The following PFKFB3 variants were observed in gnomAD, a reference collection of about 807,000 sequenced individuals.
PFKFB3 encodes 6-phosphofructo-2-kinase/fructose-2,6-biphosphatase 3, also known as 6-phosphofructo-2-kinase/fructose-2,6-bisphosphatase 3.
In PFKFB3, 33 loss-of-function variants were observed where a neutral mutation model predicts 68.0. That is an observed-to-expected ratio of 0.49 (90% CI 0.37 to 0.65). PFKFB3 has a LOEUF of 0.65. Among genes scored for constraint, PFKFB3 ranks in the 30% least tolerant of loss-of-function variants. The pLI is 0.00. For synonymous variants in PFKFB3, 315 were observed against 288.2 expected (o/e 1.09, Z -0.94); for missense variants, 586 against 712.2 (o/e 0.82, Z 2.02).
chr10:6,288,494 A>G, the PFKFB3 span, among the ~76,000 whole-genome samples: 4 of 151,078 alleles, frequency 2.6e-5, no homozygotes, highest in African/African-American at 7.3e-5. Flanking sequence ...GAGAATGATG[A>G]TTTCCAATTT....
chr10:6,196,101 C>T (rs1316429476), intron 1 of PFKFB3, among the ~76,000 whole-genome samples: 1 of 150,822 alleles, frequency 6.6e-6, no homozygotes, highest in East Asian at 1.9e-4. Context: ...ACAGCACGGG[C>T]AGCAGGGTGC....
At chr10:6,195,957 C>A (rs1178561877) in intron 1 of PFKFB3, among the ~76,000 whole-genome samples, 1 of 152,150 alleles carries the variant, frequency 6.6e-6, no homozygotes, top group African/African-American at 2.4e-5. Flanking sequence ...TCTACCCCTC[C>A]CCTTGTTTTC....
chr10:6,165,959 C>T (rs1195759688), intron 1 of PFKFB3, among the ~76,000 whole-genome samples: 2 of 148,764 alleles, frequency 1.3e-5, no homozygotes, highest in Non-Finnish European at 3.0e-5. Flanking sequence ...GGATTACAGG[C>T]GTGGATCACC....
At position 6,179,598 on chromosome 10, in the gene PFKFB3, C is replaced by T. The variant is rs558491506; in HGVS notation, c.17-34025C>T. The stretch of plus-strand genomic sequence containing the variant: ...GCTGTCCATGGGGGTCGTCGAAGGA[C>T]GGGTGTGGAGGCCCAGGAGGACTGC... On this transcript the variant is annotated intron_variant, in intron 1 of 14. Transcript: ENST00000379789. Among the ~76,000 whole-genome samples, 6 of 152,140 alleles carry T rather than the reference C, an allele frequency of 3.9e-5. No homozygotes were observed. In the South Asian group the frequency reaches 6.2e-4, roughly 16 times the overall value.
At position 6,158,583 on chromosome 10, in the gene PFKFB3, C is replaced by T. The variant is rs564251724; in HGVS notation, c.16+13570C>T. 2.4e-4 allele frequency among the ~76,000 whole-genome samples: 37 copies of T among 152,176 alleles called. 1 individual carries two copies. Among genetic ancestry groups the T allele is most frequent in the Admixed American group, 2.4e-3 (36 of 15,276 alleles). On this transcript the variant is annotated intron_variant, in intron 1 of 14. Transcript: ENST00000379789. The stretch of plus-strand genomic sequence containing the variant: ...GTGTAAAGTTGAAATTCACATACTT[C>T]GGCTAGGTGCGGTAGCTCACGCCTG...
At chr10:6,170,792 G>T (rs1842286966) in intron 1 of PFKFB3, among the ~76,000 whole-genome samples, 1 of 151,874 alleles carries the variant, frequency 6.6e-6, no homozygotes, top group African/African-American at 2.4e-5. Flanking sequence ...GCTAGGTTTG[G>T]CTGGGTGACA....
the PFKFB3 span, among the ~76,000 whole-genome samples, chr10:6,306,155 T>C: frequency 6.6e-6 from 1 of 152,196 alleles, no homozygotes; most frequent in African/African-American, 2.4e-5. Flanking sequence ...CGCCTGGGCC[T>C]CATGAGTGGC....
At chr10:6,186,826 T>TATG (rs1842878835) in intron 1 of PFKFB3, among the ~76,000 whole-genome samples, 1 of 152,132 alleles carries the variant, frequency 6.6e-6, no homozygotes, top group Non-Finnish European at 1.5e-5. Context: ...AATAAAAGGC[T>TATG]ATGTTTTAGA....
At chr10:6,247,752 A>C (rs928937465) in intron 14 of PFKFB3, among the ~76,000 whole-genome samples, 3 of 152,242 alleles carry the variant, frequency 2.0e-5, no homozygotes, top group Non-Finnish European at 2.9e-5. Context: ...GGGGTGTCTC[A>C]TATGAACTTG....
the PFKFB3 span, among the ~76,000 whole-genome samples, chr10:6,313,398 G>A: frequency 3.3e-5 from 5 of 152,056 alleles, no homozygotes; most frequent in African/African-American, 9.7e-5. This position sits in a 1 kb window ranked among gnomAD's most constrained non-coding sequence, Gnocchi z 4.2. Flanking sequence ...TGTTAAAAAC[G>A]ACCTGCCCCA....
the PFKFB3 span, among the ~76,000 whole-genome samples, chr10:6,290,415 GC>G: frequency 1.3e-4 from 20 of 152,040 alleles, no homozygotes; most frequent in African/African-American, 4.8e-4. Context: ...TTAGCATGAA[GC>G]GTTGTTGAAT....
chr10:6,196,433 A>G (rs1425526490), intron 1 of PFKFB3, among the ~76,000 whole-genome samples: 1 of 152,172 alleles, frequency 6.6e-6, no homozygotes, highest in African/African-American at 2.4e-5. Context: ...TGAGGTCCAC[A>G]ATAGGCCGTC....
the PFKFB3 span, among the ~76,000 whole-genome samples, chr10:6,272,984 T>G: frequency 6.9e-6 from 1 of 145,312 alleles, no homozygotes; most frequent in Admixed American, 7.0e-5. Flanking sequence ...GTGCAGTGAG[T>G]GGGGCTGAGA....
At chr10:6,181,713 A>G (rs1439327656) in intron 1 of PFKFB3, among the ~76,000 whole-genome samples, 1 of 150,396 alleles carries the variant, frequency 6.6e-6, no homozygotes, top group Non-Finnish European at 1.5e-5. Flanking sequence ...TGGGAGGATC[A>G]CTTGAGCCCA....
chr10:6,249,178 TAA>T (rs71391803), intron 14 of PFKFB3, among the ~76,000 whole-genome samples: 2,417 of 77,222 alleles, frequency 0.031, 89 homozygotes, highest in African/African-American at 0.11. Context: ...CCGTCTCAAT[TAA>T]AAAAAAAAAA....
At chr10:6,146,699 C>T (rs1253918061) in intron 1 of PFKFB3, among the ~76,000 whole-genome samples, 1 of 152,136 alleles carries the variant, frequency 6.6e-6, no homozygotes, top group Non-Finnish European at 1.5e-5. Context: ...GAGCCTTATG[C>T]GGCAAAGTAT....
At chr10:6,186,784 C>T (rs1020242149) in intron 1 of PFKFB3, among the ~76,000 whole-genome samples, 2 of 152,192 alleles carry the variant, frequency 1.3e-5, no homozygotes, top group African/African-American at 4.8e-5. Flanking sequence ...AGGTGTGAGC[C>T]ACTGCACCTA....
At position 6,177,991 on chromosome 10, in the gene PFKFB3, A is replaced by G. The variant is rs775698084; in HGVS notation, c.16+32978A>G. Among the ~76,000 whole-genome samples, 11 of 152,150 alleles carry G rather than the reference A, an allele frequency of 7.2e-5. No individual in the cohort carries two copies. The East Asian group carries it at 7.7e-4, about 11-fold the overall frequency. ...CTGAGGTGCACACGTGAGGGTGGAT[A>G]TCATGAGGGTGGCTGTCAAGAGGGT... On this transcript the variant is annotated intron_variant, in intron 1 of 14. Coordinates refer to the PFKFB3 transcript ENST00000379789.
chr10:6,248,303 A>G (rs1280934179), intron 14 of PFKFB3, among the ~76,000 whole-genome samples: 1 of 152,132 alleles, frequency 6.6e-6, no homozygotes, highest in East Asian at 1.9e-4. Context: ...TTCAAAATGC[A>G]TTTCTCAAAC....
Sources: gnomAD v4.1 joint callset for allele counts (sites outside exome capture counted in the v4.1 genomes callset) on GRCh38, gnomAD v4.1.1 for gene constraint, Gnocchi (gnomAD v3.1) non-coding constraint, MANE v1.5 for transcripts, NCBI Gene and HGNC (gene_info 2026-07-23, HGNC 2026-07-21) for gene names.